The following PPP5C variants were observed in gnomAD, a reference collection of about 807,000 sequenced individuals.
PPP5C encodes serine/threonine-protein phosphatase 5.
In PPP5C, 21 loss-of-function variants were observed where a neutral mutation model predicts 66.7. The ratio of observed to expected loss-of-function variants is 0.31; its 90% CI spans 0.22 to 0.45. The LOEUF is 0.45. Ranked by LOEUF, PPP5C falls within the 20% of genes least tolerant of loss-of-function variation. The probability of loss-of-function intolerance (pLI) is 1.00; values close to 1 mark genes in which losing one functional copy is unlikely to be tolerated. For synonymous variants in PPP5C, 246 were observed against 257.4 expected (o/e 0.96, Z 0.43); for missense variants, 464 against 675.9 (o/e 0.69, Z 3.48).
At chr19:46,353,584 G>A (rs1165062267) in intron 1 of PPP5C, among the ~76,000 whole-genome samples, 164 bp from the exon 2 acceptor site, 1 of 152,204 alleles carries the variant, frequency 6.6e-6, no homozygotes, top group Non-Finnish European at 1.5e-5. Context: ...CCTGAGCTAG[G>A]TTGGTTGGGA....
At chr19:46,368,330 G>A (rs1568569792) in intron 2 of PPP5C, among the ~76,000 whole-genome samples, 2 of 152,172 alleles carry the variant, frequency 1.3e-5, no homozygotes, top group African/African-American at 4.8e-5. Flanking sequence ...GCAGGTGAAC[G>A]CATCTCCTGG....
At position 46,388,506 on chromosome 19, in the gene PPP5C, C is replaced by CA. The variant is rs777016045; in HGVS notation, c.1177-46dup. On this transcript the variant is annotated intron_variant, in intron 10 of 12. Coordinates refer to ENST00000012443, the MANE Select transcript of PPP5C (RefSeq NM_006247.4). The surrounding 1 kb of genome is among the most constrained non-coding windows in gnomAD (Gnocchi z 4.9). ...TGTGGGCTGTGGCAGCAGGTGGAGG[C>CA]AGACAGTCACCCTGAACCCCTGTCT... is the stretch of plus-strand genomic sequence containing the variant. 11 of 1,609,816 alleles carry CA rather than the reference C, an allele frequency of 6.8e-6. No homozygotes were observed. The highest frequency in any genetic ancestry group is 7.6e-6 in the Non-Finnish European group (9 of 1,177,076).
chr19:46,382,047 CTCTCCA>C (rs1165731118), intron 4 of PPP5C: 1 of 149,932 alleles, frequency 6.7e-6, no homozygotes, highest in African/African-American at 2.5e-5. Flanking sequence ...GTGCTCTCCG[CTCTCCA>C]GTCTCGCCCC....
At chr19:46,371,312 G>A (rs890696510) in intron 2 of PPP5C, among the ~76,000 whole-genome samples, 7 of 152,092 alleles carry the variant, frequency 4.6e-5, no homozygotes, top group African/African-American at 9.7e-5. Context: ...CCTTGCAAGC[G>A]GATACTAGTG....
At chr19:46,373,731 C>T (rs767644676) in intron 2 of PPP5C, among the ~76,000 whole-genome samples, 15 of 152,244 alleles carry the variant, frequency 9.9e-5, no homozygotes, top group Non-Finnish European at 1.8e-4. Context: ...CACCTTCCAG[C>T]GGGGTGGACA....
chr19:46,352,474 C>T (rs572968590), intron 1 of PPP5C, among the ~76,000 whole-genome samples: 1 of 152,290 alleles, frequency 6.6e-6, no homozygotes, highest in South Asian at 2.1e-4. Context: ...CCAGAGGTCA[C>T]CATGGCATGG....
rs1295163890 is a variant in PPP5C, at chr19:46,376,389, G to C, written c.512-64G>C. 2.9e-5 allele frequency: 46 copies of C among 1,588,512 alleles called. No individual in the cohort carries two copies. The highest frequency in any genetic ancestry group is 3.8e-5 in the Non-Finnish European group (44 of 1,164,596). On this transcript the variant is annotated intron_variant, in intron 3 of 12. Transcript: ENST00000012443. This position sits in a 1 kb window ranked among gnomAD's most constrained non-coding sequence, Gnocchi z 5.1. ...AAGTTTTCCCCATCCCTGGGAGCGA[G>C]ACCCCCTTCTCCCTCATAGTGGCTG...
Position 46,390,588 on chromosome 19 carries a change from C to G in PPP5C, c.*242C>G, listed in dbSNP as rs931385515. Reference sequence around the variant, plus strand: ...GGAGCAGCTGGGGCTGGGGGCACAGCCTGGGCATTCTGTGGGGAGGCCGTC... The same window carrying G: ...GGAGCAGCTGGGGCTGGGGGCACAGGCTGGGCATTCTGTGGGGAGGCCGTC... On this transcript the variant is annotated 3_prime_UTR_variant, in exon 13 of 13. Coordinates refer to ENST00000012443, the MANE Select transcript of PPP5C (RefSeq NM_006247.4). 1.9e-4 allele frequency: 257 copies of G among 1,387,578 alleles called. No homozygotes were observed. Among genetic ancestry groups the G allele is most frequent in the Non-Finnish European group, 2.2e-4 (240 of 1,068,324 alleles). The allele number at this position is 1,387,578 out of a possible 1,614,324, so 86.0% of individuals were successfully genotyped here.
chr19:46,376,728 A>G lies in PPP5C; in HGVS notation c.633+154A>G. ...GTGCCGGACACTGTGCCGAGGGCTT[A>G]CCACATGATCTCATCTCGTCCCACA... On this transcript the variant is annotated intron_variant, in intron 4 of 12. Transcript: ENST00000012443. This position sits in a 1 kb window ranked among gnomAD's most constrained non-coding sequence, Gnocchi z 5.1. 1 of 1,072,986 alleles carries G rather than the reference A, an allele frequency of 9.3e-7. No individual in the cohort carries two copies. Among genetic ancestry groups the G allele is most frequent in the East Asian group, 2.7e-5 (1 of 37,088 alleles). 66.5% of individuals were successfully genotyped at this position (1,072,986 alleles called of 1,614,324 possible). A position where few individuals can be genotyped will look rare whatever the true frequency, so the allele number is the denominator to read the frequency against.
In PPP5C at chr19:46,388,247, C is replaced by T; in HGVS notation, c.1136-161C>T. ...GGTGGGGGTGGCTCAGAATCACAGT[C>T]ACCTGTCCTGAATGTCCATGTCCAT... On this transcript the variant is annotated intron_variant, in intron 9 of 12. Coordinates refer to ENST00000012443, the MANE Select transcript of PPP5C (RefSeq NM_006247.4). This position sits in a 1 kb window ranked among gnomAD's most constrained non-coding sequence, Gnocchi z 4.9. 1.4e-6 allele frequency: 1 copy of T among 730,670 alleles called. No individual in the cohort carries two copies. The highest frequency in any genetic ancestry group is 2.2e-6 in the Non-Finnish European group (1 of 454,686). 45.3% of individuals were successfully genotyped at this position (730,670 alleles called of 1,614,324 possible).
intron 1 of PPP5C, among the ~76,000 whole-genome samples, chr19:46,351,400 T>G (rs1972181503): frequency 6.6e-6 from 1 of 152,186 alleles, no homozygotes; most frequent in Non-Finnish European, 1.5e-5. Context: ...CTCCCTTCAT[T>G]TAGTCATTCA....
rs543943732 is a variant in PPP5C at position 46,379,857 on chromosome 19, G to A, written c.633+3283G>A. 2.0e-5 allele frequency among the ~76,000 whole-genome samples: 3 copies of A among 152,188 alleles called. No homozygotes were observed. The South Asian group carries it at 6.2e-4, about 32-fold the overall frequency. On this transcript the variant is annotated intron_variant, in intron 4 of 12. Transcript: ENST00000012443. ...CTGTGAATCTGTGTGCTCTCCTTGG[G>A]AGAACTGAGCAGATATCACTGAAAA...
chr19:46,361,970 T>C lies in PPP5C; in HGVS notation c.363+7981T>C, dbSNP rs187863586. Among the ~76,000 whole-genome samples the C allele has an allele frequency of 3.7e-3, 569 of 152,356 alleles. 4 individuals are homozygous for C. Among genetic ancestry groups the C allele is most frequent in the Non-Finnish European group, 4.3e-3 (295 of 68,030 alleles). On this transcript the variant is annotated intron_variant, in intron 2 of 12. Transcript: ENST00000012443. ...AAATTTTTCCATTCTTTTTTCTCCC[T>C]ACTTTCCATATCTATTCAGTTTATC...
intron 2 of PPP5C, among the ~76,000 whole-genome samples, chr19:46,363,469 C>T (rs759582404): frequency 2.6e-4 from 39 of 150,436 alleles, no homozygotes; most frequent in Admixed American, 2.5e-3. Context: ...CTCACTCTGT[C>T]GCCAGGCTGG....
rs925226588 is a variant in PPP5C, at chr19:46,383,560, G to A, written c.699+84G>A. On this transcript the variant is annotated intron_variant, in intron 5 of 12. Coordinates refer to ENST00000012443, the MANE Select transcript of PPP5C (RefSeq NM_006247.4). The surrounding 1 kb of genome is among the most constrained non-coding windows in gnomAD (Gnocchi z 5.0). Reference sequence around the variant, plus strand: ...GGGGCCACAGAGCTCAGGAACTCACGGATCCACCTCCCTCTCTCCCTCACA... The same window carrying A: ...GGGGCCACAGAGCTCAGGAACTCACAGATCCACCTCCCTCTCTCCCTCACA... 3.1e-5 allele frequency: 42 copies of A among 1,363,682 alleles called. No individual in the cohort carries two copies. The African/African-American group carries it at 4.2e-4, about 14-fold the overall frequency. The allele number at this position is 1,363,682 out of a possible 1,614,324, so 84.5% of individuals were successfully genotyped here.
At position 46,388,711 on chromosome 19, in the gene PPP5C, C is replaced by T. The variant is rs1972936252; in HGVS notation, c.1335C>T (p.Val445=). Residue 445 remains valine (V), a synonymous_variant, in exon 11 of 13, where the codon GTC becomes GTT. Coordinates refer to ENST00000012443, the MANE Select transcript of PPP5C (RefSeq NM_006247.4). The surrounding 1 kb of genome is among the most constrained non-coding windows in gnomAD (Gnocchi z 4.9). ...CTCACGGAGGCCGCTGTGTCACCGTCTTCTCTGCCCCCAACTACTGGTATG... is the reference window on the plus strand; with the variant it reads ...CTCACGGAGGCCGCTGTGTCACCGTTTTCTCTGCCCCCAACTACTGGTATG... ...EVAHGGRCVT[V]FSAPNYCDQM... 4 of 1,614,066 alleles carry T rather than the reference C, an allele frequency of 2.5e-6. No individual in the cohort carries two copies. The highest frequency in any genetic ancestry group is 1.1e-5 in the South Asian group (1 of 91,086).
chr19:46,377,537 T>G (rs561036874), intron 4 of PPP5C, among the ~76,000 whole-genome samples: 9 of 152,210 alleles, frequency 5.9e-5, no homozygotes, highest in Non-Finnish European at 1.0e-4. Flanking sequence ...CACAATAAAA[T>G]ACACAAATCT....
At chr19:46,351,759 T>C (rs1275393836) in intron 1 of PPP5C, among the ~76,000 whole-genome samples, 1 of 152,220 alleles carries the variant, frequency 6.6e-6, no homozygotes, top group Non-Finnish European at 1.5e-5. Context: ...TCCCGGGCCC[T>C]GCCCTCCTGG....
In PPP5C at chr19:46,353,943, A is replaced by G. The variant is rs777704129; in HGVS notation, c.317A>G (p.Asn106Ser). 1 of 1,609,300 alleles carries G rather than the reference A, an allele frequency of 6.2e-7. No homozygotes were observed. Among genetic ancestry groups the G allele is most frequent in the Non-Finnish European group, 8.5e-7 (1 of 1,178,404 alleles). The part of the protein sequence containing the change: ...IKGYYRRAAS[N>S]MALGKFRAAL... ...GGTTATTACCGCCGGGCTGCCAGCA[A>G]CATGGCACTGGGCAAGTTCCGGGCC... The change falls in exon 2 of 13, where the codon AAC becomes AGC. Residue 106 changes from asparagine (N) to serine (S), a missense_variant. Transcript: ENST00000012443.
Sources: gnomAD v4.1 joint callset for allele counts (sites outside exome capture counted in the v4.1 genomes callset) on GRCh38, gnomAD v4.1.1 for gene constraint, Gnocchi (gnomAD v3.1) non-coding constraint, MANE v1.5 for transcripts, NCBI Gene and HGNC (gene_info 2026-07-23, HGNC 2026-07-21) for gene names.